The following MED27 variants were observed in gnomAD, a reference collection of about 807,000 sequenced individuals.
MED27 encodes the protein mediator complex subunit 27.
MED27 carries 30 observed loss-of-function variants against 38.2 expected under a neutral mutation model. The ratio of observed to expected loss-of-function variants is 0.79; its 90% CI spans 0.59 to 1.07. The LOEUF (loss-of-function observed/expected upper bound fraction) is 1.07, where lower values mean the gene tolerates loss of function less well. Among genes scored for constraint, MED27 ranks in the 50% least tolerant of loss-of-function variants. MED27 has a pLI of 0.00. For synonymous variants in MED27, 122 were observed against 153.5 expected, an observed-to-expected ratio of 0.79 and a Z score of 1.52; for missense variants, 289 against 397.5, an observed-to-expected ratio of 0.73 and a Z score of 2.32.
chr9:131,890,976 C>G (rs1435814258), intron 5 of MED27, among the ~76,000 whole-genome samples: 4 of 152,164 alleles, frequency 2.6e-5, no homozygotes, highest in African/African-American at 9.7e-5. Flanking sequence ...TGCACCAATT[C>G]TAGTACTAGG....
chr9:132,058,673 C>T lies in MED27; in HGVS notation c.348+18769G>A, dbSNP rs148820109. Among the ~76,000 whole-genome samples, 799 of 152,266 alleles carry T rather than the reference C, an allele frequency of 5.2e-3. 14 individuals are homozygous for T. The highest frequency in any genetic ancestry group is 0.018 in the African/African-American group (735 of 41,538). On this transcript the variant is annotated intron_variant, in intron 2 of 7. Transcript: ENST00000292035. ...AGTCTCAGGTATTTCTTCATAACAG[C>T]GTGAGAACAGACTCCTATAGAAGGT...
At chr9:131,876,662 C>A (rs1415957221) in intron 6 of MED27, among the ~76,000 whole-genome samples, 1 of 152,100 alleles carries the variant, frequency 6.6e-6, no homozygotes, top group Non-Finnish European at 1.5e-5. Context: ...GCGACCTGGT[C>A]AATACAGTCC....
intron 2 of MED27, among the ~76,000 whole-genome samples, chr9:132,031,590 G>C (rs1832961982): frequency 6.6e-6 from 1 of 152,104 alleles, no homozygotes; most frequent in African/African-American, 2.4e-5. Context: ...GAGATCACTT[G>C]AGCCCAGGAG....
intron 2 of MED27, among the ~76,000 whole-genome samples, chr9:132,072,539 T>C (rs1228703223): frequency 6.6e-6 from 1 of 152,104 alleles, no homozygotes; most frequent in Non-Finnish European, 1.5e-5. Flanking sequence ...CTTTTCACAA[T>C]GGCTCCCACG....
chr9:132,008,446 T>C (rs1435733164), intron 3 of MED27, among the ~76,000 whole-genome samples: 1 of 152,198 alleles, frequency 6.6e-6, no homozygotes, highest in Admixed American at 6.5e-5. Context: ...CATTTGGAAA[T>C]CCTAGAAGTG....
At chr9:131,864,037 G>A (rs757439545) in intron 6 of MED27, among the ~76,000 whole-genome samples, 7 of 152,176 alleles carry the variant, frequency 4.6e-5, no homozygotes, top group Non-Finnish European at 1.0e-4. Flanking sequence ...GAACCCTGGT[G>A]GTTCTGAAAC....
At chr9:132,010,649 T>C (rs1345818601) in intron 3 of MED27, among the ~76,000 whole-genome samples, 1 of 152,130 alleles carries the variant, frequency 6.6e-6, no homozygotes, top group East Asian at 1.9e-4. Context: ...CCATCAATGA[T>C]AGACTGGATT....
rs997550080 is a variant in MED27 at position 131,997,321 on chromosome 9, C to A, written c.479+17016G>T. On this transcript the variant is annotated intron_variant, in intron 3 of 7. Coordinates refer to ENST00000292035, the MANE Select transcript of MED27 (RefSeq NM_004269.4). The surrounding 1 kb of genome is among the most constrained non-coding windows in gnomAD (Gnocchi z 4.0). ...AACCTGCTGTCTGGCTACAGGACAG[C>A]GATCGACATACAGCCTCCAGCTATC... 6.6e-6 allele frequency among the ~76,000 whole-genome samples: 1 copy of A among 152,132 alleles called. No individual in the cohort carries two copies. Among genetic ancestry groups the A allele is most frequent in the Non-Finnish European group, 1.5e-5 (1 of 68,034 alleles).
intron 3 of MED27, among the ~76,000 whole-genome samples, chr9:131,978,475 T>C (rs1005767180): frequency 2.6e-5 from 4 of 152,210 alleles, no homozygotes; most frequent in African/African-American, 4.8e-5. Flanking sequence ...AATAGTATTA[T>C]GGTTTTGTTT....
At chr9:131,908,136 A>AG (rs1480236396) in intron 4 of MED27, among the ~76,000 whole-genome samples, 1 of 100,480 alleles carries the variant, frequency 1.0e-5, no homozygotes, top group Non-Finnish European at 2.7e-5. Flanking sequence ...TGGGGGGGTC[A>AG]GCCCCCCGCT....
chr9:131,906,419 C>G (rs985215580), intron 4 of MED27, among the ~76,000 whole-genome samples: 1 of 150,454 alleles, frequency 6.6e-6, no homozygotes, highest in African/African-American at 2.5e-5. Context: ...GAGGGCAGCA[C>G]CTGCAAAGGC....
At chr9:131,980,648 T>C (rs1236499808) in intron 3 of MED27, among the ~76,000 whole-genome samples, 1 of 152,158 alleles carries the variant, frequency 6.6e-6, no homozygotes, top group Non-Finnish European at 1.5e-5. Context: ...TATTCCATCA[T>C]TTTATGGATT....
At chr9:131,951,939 TAAG>T (rs1272637510) in intron 3 of MED27, among the ~76,000 whole-genome samples, 2 of 152,212 alleles carry the variant, frequency 1.3e-5, no homozygotes, top group African/African-American at 4.8e-5. Context: ...ATTATTTTTC[TAAG>T]AAGGCCAACG....
At chr9:131,874,537 G>A (rs1043750545) in intron 6 of MED27, among the ~76,000 whole-genome samples, 3 of 152,240 alleles carry the variant, frequency 2.0e-5, no homozygotes, top group East Asian at 1.9e-4. Flanking sequence ...AAAGGGGAGC[G>A]GAGTGAGAGG....
intron 3 of MED27, among the ~76,000 whole-genome samples, chr9:132,002,922 AAAAAAAG>A (rs1202246128): frequency 1.3e-5 from 2 of 151,194 alleles, no homozygotes; most frequent in Non-Finnish European, 3.0e-5. Context: ...CTGTCTCAAA[AAAAAAAG>A]AAAAAAGAAA....
At chr9:131,881,800 C>CTTTT (rs61624043) in intron 6 of MED27, among the ~76,000 whole-genome samples, 640 of 60,944 alleles carry the variant, frequency 0.011, 54 homozygotes, top group African/African-American at 0.032. Context: ...TCTTCTTCTT[C>CTTTT]TTTTTTTTTT....
chr9:132,034,513 A>G (rs1833031017), intron 2 of MED27, among the ~76,000 whole-genome samples: 1 of 152,256 alleles, frequency 6.6e-6, no homozygotes. Context: ...TGTTCTGGAA[A>G]GATGTCTGCA....
intron 2 of MED27, among the ~76,000 whole-genome samples, chr9:132,043,938 G>A (rs1296186639): frequency 6.6e-6 from 1 of 152,218 alleles, no homozygotes; most frequent in Admixed American, 6.5e-5. Flanking sequence ...AAACCGTGAA[G>A]GGAAATGAGA....
chr9:132,079,607 G>T (rs200717332), intron 1 of MED27, 35 bp downstream of exon 1: 62 of 1,606,610 alleles, frequency 3.9e-5, no homozygotes, highest in Non-Finnish European at 5.1e-5. Flanking sequence ...GAGCGGGGCC[G>T]GTCCCCGACC....
Sources: gnomAD v4.1 joint callset for allele counts (sites outside exome capture counted in the v4.1 genomes callset) on GRCh38, gnomAD v4.1.1 for gene constraint, Gnocchi (gnomAD v3.1) non-coding constraint, MANE v1.5 for transcripts, NCBI Gene and HGNC (gene_info 2026-07-23, HGNC 2026-07-21) for gene names.